LMBR1: variants seen among roughly 807,000 people sequenced by gnomAD.
LMBR1 encodes limb development membrane protein 1.
LMBR1 carries 52 observed loss-of-function variants against 73.9 expected under a neutral mutation model. The ratio of observed to expected loss-of-function variants is 0.70; its 90% CI spans 0.56 to 0.89. The LOEUF is 0.89. Ranked by LOEUF, LMBR1 falls within the 40% of genes least tolerant of loss-of-function variation. The pLI is 0.00. For synonymous variants in LMBR1, 215 were observed against 209.4 expected (o/e 1.03, Z -0.23); for missense variants, 539 against 579.8 (o/e 0.93, Z 0.72).
intron 4 of LMBR1, among the ~76,000 whole-genome samples, chr7:156,810,067 A>AT (rs1832820296): frequency 6.6e-6 from 1 of 151,318 alleles, no homozygotes; most frequent in African/African-American, 2.4e-5. Context: ...TGGGTAATTT[A>AT]TTAAAAAAAA....
intron 2 of LMBR1, 39 bp from the exon 3 acceptor site, chr7:156,833,831 C>T: frequency 7.9e-7 from 1 of 1,267,038 alleles, no homozygotes; most frequent in Admixed American, 2.2e-5. Context: ...CCTTTATCTT[C>T]TAACAAAATG....
Position 156,724,131 on chromosome 7 carries a change from A to G in LMBR1, c.1206T>C (p.Pro402=), listed in dbSNP as rs1253498286. ...VSILVLSSAL[P]VMSRTLGITR... The stretch of plus-strand genomic sequence containing the variant: ...ACTTACCCAGTGTTCTCGACATCAC[A>G]GGCAGAGCAGAGCTCAAAACCAAGA... Residue 402 remains proline, a synonymous_variant, in exon 15 of 17, where the codon CCT becomes CCC. Transcript: ENST00000353442. 1 of 1,610,318 alleles carries G rather than the reference A, an allele frequency of 6.2e-7. No individual in the cohort carries two copies. The highest frequency in any genetic ancestry group is 2.2e-5 in the East Asian group (1 of 44,686).
rs1159057266 is a variant in LMBR1 at position 156,669,768 on chromosome 7, G to T, written n.867-481C>A. On this transcript the variant is annotated intron_variant and non_coding_transcript_variant, in intron 4 of 4. Coordinates refer to the LMBR1 transcript ENST00000430825. This position sits in a 1 kb window ranked among gnomAD's most constrained non-coding sequence, Gnocchi z 4.2. ...GCCATGGCTGGGCCCCTCCAGCACA[G>T]GCGCTTCCTGGGAGCCTCTGCAGGG... is the stretch of plus-strand genomic sequence containing the variant. 2.0e-5 allele frequency among the ~76,000 whole-genome samples: 3 copies of T among 152,238 alleles called. No homozygotes were observed. Among genetic ancestry groups the T allele is most frequent in the East Asian group, 3.9e-4 (2 of 5,190 alleles).
At chr7:156,881,209 C>T (rs1407260725) in intron 1 of LMBR1, among the ~76,000 whole-genome samples, 1 of 152,180 alleles carries the variant, frequency 6.6e-6, no homozygotes, top group Non-Finnish European at 1.5e-5. Context: ...GTCACCTGAT[C>T]TTACACAAGG....
intron 5 of LMBR1, among the ~76,000 whole-genome samples, chr7:156,782,828 A>T (rs1163625265): frequency 1.3e-5 from 2 of 152,208 alleles, no homozygotes; most frequent in Admixed American, 1.3e-4. Flanking sequence ...TACAGGAATG[A>T]GCCACTGGGC....
chr7:156,805,775 A>G (rs948590660), intron 4 of LMBR1, among the ~76,000 whole-genome samples: 1 of 152,138 alleles, frequency 6.6e-6, no homozygotes, highest in Non-Finnish European at 1.5e-5. Flanking sequence ...CCACCCCCAA[A>G]TTCATAACTG....
At chr7:156,699,194 T>G (rs559466997) in intron 15 of LMBR1, among the ~76,000 whole-genome samples, 2 of 152,250 alleles carry the variant, frequency 1.3e-5, no homozygotes, top group South Asian at 4.2e-4. Flanking sequence ...ATGGTACTGG[T>G]ACCAAAACAG....
intron 13 of LMBR1, 69 bp from the exon 14 acceptor site, chr7:156,725,594 A>C: frequency 7.7e-7 from 1 of 1,301,154 alleles, no homozygotes; most frequent in Non-Finnish European, 1.1e-6. Flanking sequence ...AGTCTCCAAA[A>C]AGTCTTAAGG....
Position 156,893,017 on chromosome 7 carries a change from C to A in LMBR1, c.-24G>T. ...ATCCTCCTTCATGCCCGCCGCCGCG[C>A]CGCCCGCGTCCGCGTGCTCCGCCAC... On this transcript the variant is annotated 5_prime_UTR_variant, in exon 1 of 17. Coordinates refer to ENST00000353442, the MANE Select transcript of LMBR1 (RefSeq NM_022458.4). 1 of 1,485,136 alleles carries A rather than the reference C, an allele frequency of 6.7e-7. No individual in the cohort carries two copies. The highest frequency in any genetic ancestry group is 2.2e-5 in the Admixed American group (1 of 45,184). The allele number at this position is 1,485,136 out of a possible 1,614,324, so 92.0% of individuals were successfully genotyped here.
intron 3 of LMBR1, among the ~76,000 whole-genome samples, chr7:156,827,471 A>G (rs1835899992): frequency 6.6e-6 from 1 of 152,178 alleles, no homozygotes; most frequent in African/African-American, 2.4e-5. Flanking sequence ...AAAAAAATCC[A>G]GCATAACATG....
At chr7:156,732,302 C>T (rs901399492) in intron 10 of LMBR1, among the ~76,000 whole-genome samples, 12 of 152,220 alleles carry the variant, frequency 7.9e-5, no homozygotes, top group African/African-American at 2.4e-4. Flanking sequence ...TCTGACCCAG[C>T]TTACTGTCTT....
At chr7:156,837,802 T>C (rs1837932490) in intron 1 of LMBR1, among the ~76,000 whole-genome samples, 1 of 151,240 alleles carries the variant, frequency 6.6e-6, no homozygotes, top group African/African-American at 2.4e-5. Flanking sequence ...TTTTTTTTTT[T>C]CTGAGACAGG....
At position 156,763,725 on chromosome 7, in the gene LMBR1, A is replaced by C; in HGVS notation, c.494T>G (p.Val165Gly). ...LLLALLILGI[V>G]WVASALIDND... ...GTCAATGAGTGCTGAAGCTACCCAC[A>C]CTATCCCAAGAATGAGTAACGCAAG... is the stretch of plus-strand genomic sequence containing the variant. The change falls in exon 6 of 17, where the codon GTG becomes GGG. Residue 165 changes from valine (V) to glycine (G), a missense_variant. Val to Gly is a moderately radical substitution (Grantham distance 109, BLOSUM62 -3). This residue lies in a region of LMBR1 where 454 missense variants were observed against 473.4 expected (regional missense o/e 0.96). Transcript: ENST00000353442. The C allele has an allele frequency of 6.2e-7, 1 of 1,606,320 alleles. No homozygotes were observed. The highest frequency in any genetic ancestry group is 8.5e-7 in the Non-Finnish European group (1 of 1,178,318).
intron 4 of LMBR1, among the ~76,000 whole-genome samples, chr7:156,798,014 AAG>A (rs1377007410): frequency 6.6e-6 from 1 of 152,222 alleles, no homozygotes; most frequent in Non-Finnish European, 1.5e-5. Flanking sequence ...TTTATTCAAA[AAG>A]AGTATAATTA....
rs1160220813 is a variant in LMBR1 at position 156,680,223 on chromosome 7, A to C, written c.*3855T>G. On this transcript the variant is annotated 3_prime_UTR_variant, in exon 17 of 17. Transcript: ENST00000353442. The stretch of plus-strand genomic sequence containing the variant: ...ACCACATTCCAAAGGGATGCTTTTC[A>C]AACTGAAGTCTGCCATCTATTAGGA... The C allele has an allele frequency of 6.6e-6, 1 of 152,170 alleles. No individual in the cohort carries two copies. The highest frequency in any genetic ancestry group is 1.5e-5 in the Non-Finnish European group (1 of 68,034). The allele number at this position is 152,170 out of a possible 1,614,324, so 9.4% of individuals were successfully genotyped here. A position where few individuals can be genotyped will look rare whatever the true frequency, so the allele number is the denominator to read the frequency against.
intron 1 of LMBR1, among the ~76,000 whole-genome samples, chr7:156,871,551 A>G (rs1428865193): frequency 6.6e-6 from 1 of 152,242 alleles, no homozygotes; most frequent in African/African-American, 2.4e-5. Context: ...TCAATGAAAT[A>G]GTTGCTCACT....
At chr7:156,717,206 G>A (rs977056173) in intron 15 of LMBR1, among the ~76,000 whole-genome samples, 3 of 152,192 alleles carry the variant, frequency 2.0e-5, no homozygotes, top group South Asian at 2.1e-4. Context: ...ATGAGGTACT[G>A]GCACAGAAGG....
At chr7:156,829,305 C>T (rs1346891909) in intron 3 of LMBR1, among the ~76,000 whole-genome samples, 1 of 152,168 alleles carries the variant, frequency 6.6e-6, no homozygotes, top group African/African-American at 2.4e-5. Context: ...ATATCTGTCC[C>T]CTCCAAATAT....
intron 10 of LMBR1, among the ~76,000 whole-genome samples, chr7:156,729,849 C>A (rs1288400936): frequency 6.6e-6 from 1 of 152,136 alleles, no homozygotes; most frequent in Non-Finnish European, 1.5e-5. Context: ...ACCTATAACA[C>A]CAATCCTCAT....
Sources: allele counts gnomAD v4.1 joint callset (sites outside exome capture counted in the v4.1 genomes callset), GRCh38; gene constraint gnomAD v4.1.1; regional missense constraint gnomAD v4.1.1; non-coding constraint Gnocchi (gnomAD v3.1); transcripts MANE v1.5; gene names NCBI Gene and HGNC (gene_info 2026-07-23, HGNC 2026-07-21).